Variants in EIF4E observed in about 807,000 individuals in gnomAD.
The protein encoded by EIF4E is eIF-4F 25 kDa subunit.
For synonymous variants in EIF4E, 71 were observed against 88.5 expected (o/e 0.80, Z 1.11); for missense variants, 113 against 265.6 (o/e 0.43, Z 3.99).
At chr4:98,928,740 G>C (rs1560660672) in intron 1 of EIF4E, among the ~76,000 whole-genome samples, 1 of 152,126 alleles carries the variant, frequency 6.6e-6, no homozygotes, top group Non-Finnish European at 1.5e-5. Flanking sequence ...TACTCGCTGG[G>C]AGCCGGCCCT....
chr4:98,908,983 T>C (rs1040430539), intron 1 of EIF4E, among the ~76,000 whole-genome samples: 1 of 152,234 alleles, frequency 6.6e-6, no homozygotes, highest in African/African-American at 2.4e-5. Context: ...AATTATATGG[T>C]TACAAAGATT....
chr4:98,928,040 GA>G lies in EIF4E; in HGVS notation c.18+1054del, dbSNP rs1256164663. Among the ~76,000 whole-genome samples, 19 of 150,814 alleles carry G rather than the reference GA, an allele frequency of 1.3e-4. No individual in the cohort carries two copies. In the South Asian group the frequency reaches 3.8e-3, roughly 30 times the overall value. ...TGAAAGTCTGTAGCATAGATAAAGAGAAAAAAAAAGTCAAATGGAAAAGTAA... is the reference window on the plus strand; with the variant it reads ...TGAAAGTCTGTAGCATAGATAAAGAGAAAAAAAAGTCAAATGGAAAAGTAA... On this transcript the variant is annotated intron_variant, in intron 1 of 6. Transcript: ENST00000450253.
At chr4:98,893,476 G>A (rs999797562) in intron 2 of EIF4E, among the ~76,000 whole-genome samples, 2 of 152,224 alleles carry the variant, frequency 1.3e-5, no homozygotes, top group Admixed American at 1.3e-4. Flanking sequence ...TTTGGTTTAT[G>A]TAATATTCAA....
intron 6 of EIF4E, among the ~76,000 whole-genome samples, chr4:98,883,482 T>C (rs1413349657): frequency 7.1e-6 from 1 of 141,022 alleles, no homozygotes; most frequent in Non-Finnish European, 1.5e-5. Context: ...CACTGCAAGC[T>C]CCGCCTCCCG....
intron 2 of EIF4E, among the ~76,000 whole-genome samples, chr4:98,897,731 A>G (rs199923801): frequency 3.3e-5 from 5 of 152,236 alleles, no homozygotes; most frequent in African/African-American, 1.2e-4. Flanking sequence ...ATTGTTGCTT[A>G]AAATTTAAGC....
At chr4:98,917,460 A>G (rs1725437399) in intron 1 of EIF4E, among the ~76,000 whole-genome samples, 1 of 152,126 alleles carries the variant, frequency 6.6e-6, no homozygotes. Context: ...TAGAAATTCT[A>G]GGAAGCTGAA....
At chr4:98,901,737 G>A in intron 2 of EIF4E, 139 bp downstream of exon 2, 1 of 797,924 alleles carries the variant, frequency 1.3e-6, no homozygotes, top group East Asian at 2.5e-5. Context: ...GCTGGTCATG[G>A]GTCATCCAAG....
chr4:98,913,121 T>C (rs747945695), intron 1 of EIF4E, among the ~76,000 whole-genome samples: 3 of 151,980 alleles, frequency 2.0e-5, no homozygotes, highest in South Asian at 2.1e-4. Flanking sequence ...GGCAGGAGAA[T>C]TGCTTGAACC....
chr4:98,920,872 C>T (rs879826462), intron 1 of EIF4E, among the ~76,000 whole-genome samples: 2 of 152,134 alleles, frequency 1.3e-5, no homozygotes, highest in Admixed American at 1.3e-4. Flanking sequence ...TGTGTACCTA[C>T]GCATCAGTAT....
intron 6 of EIF4E, among the ~76,000 whole-genome samples, chr4:98,883,358 C>G (rs1434523332): frequency 6.6e-6 from 1 of 151,296 alleles, no homozygotes; most frequent in Non-Finnish European, 1.5e-5. Context: ...CACTGACTGA[C>G]CAGCACTTAA....
intron 1 of EIF4E, among the ~76,000 whole-genome samples, chr4:98,916,350 A>G (rs1220938425): frequency 6.6e-6 from 1 of 152,010 alleles, no homozygotes; most frequent in African/African-American, 2.4e-5. Flanking sequence ...TGGAAATTCA[A>G]AATGAATGGA....
At chr4:98,892,344 A>C (rs11097639) in intron 2 of EIF4E, among the ~76,000 whole-genome samples, 13,905 of 148,328 alleles carry the variant, frequency 0.094, 1,595 homozygotes, top group East Asian at 0.5. Flanking sequence ...AACAAACAAA[A>C]AAAAAAAACA....
At chr4:98,893,640 C>G (rs975112327) in intron 2 of EIF4E, among the ~76,000 whole-genome samples, 4 of 152,194 alleles carry the variant, frequency 2.6e-5, no homozygotes, top group Admixed American at 2.6e-4. Context: ...CATCTTCAGG[C>G]TCCATTTCTT....
chr4:98,905,958 T>C (rs1724853065), intron 1 of EIF4E, among the ~76,000 whole-genome samples: 1 of 152,248 alleles, frequency 6.6e-6, no homozygotes, highest in Non-Finnish European at 1.5e-5. Flanking sequence ...AGCATCATTC[T>C]GTGGTGTTTT....
chr4:98,919,705 C>T (rs1450215750), intron 1 of EIF4E, among the ~76,000 whole-genome samples: 8 of 151,738 alleles, frequency 5.3e-5, no homozygotes, highest in African/African-American at 1.2e-4. Flanking sequence ...ACTACAGGCA[C>T]GTGCCACCAC....
At chr4:98,924,908 C>A (rs955044080) in intron 1 of EIF4E, among the ~76,000 whole-genome samples, 1 of 152,042 alleles carries the variant, frequency 6.6e-6, no homozygotes, top group Non-Finnish European at 1.5e-5. Flanking sequence ...ATATTTTTTT[C>A]TTTTAATTGA....
chr4:98,890,240 G>A (rs543444684), intron 3 of EIF4E, among the ~76,000 whole-genome samples: 1 of 152,192 alleles, frequency 6.6e-6, no homozygotes, highest in South Asian at 2.1e-4. Context: ...CTTTGTATGA[G>A]CAGAATATCT....
intron 1 of EIF4E, among the ~76,000 whole-genome samples, chr4:98,925,382 C>G (rs541189352): frequency 6.6e-6 from 1 of 152,262 alleles, no homozygotes; most frequent in Non-Finnish European, 1.5e-5. Flanking sequence ...CAAAGAAACA[C>G]GACCTACTGG....
At position 98,914,274 on chromosome 4, in the gene EIF4E, T is replaced by C. The variant is rs183509573; in HGVS notation, c.19-12292A>G. 4.2e-3 allele frequency among the ~76,000 whole-genome samples: 605 copies of C among 143,594 alleles called. 4 individuals are homozygous for C. The highest frequency in any genetic ancestry group is 0.015 in the African/African-American group (577 of 37,716). 94.2% of individuals were successfully genotyped at this position (143,594 alleles called of 152,430 possible). ...GGGAGGCTGAGGCAGGAGAATCACT[T>C]GAACCCAGGAGGAGGAGGTTGCAGG... On this transcript the variant is annotated intron_variant, in intron 1 of 6. Transcript: ENST00000450253.
Sources: allele counts gnomAD v4.1 joint callset (sites outside exome capture counted in the v4.1 genomes callset), GRCh38; gene constraint gnomAD v4.1.1; transcripts MANE v1.5; gene names NCBI Gene and HGNC (gene_info 2026-07-23, HGNC 2026-07-21).